SYT6: variants seen among roughly 807,000 people sequenced by gnomAD.
SYT6 encodes synaptotagmin-6.
A neutral mutation model predicts 38.4 loss-of-function variants in SYT6; 24 were observed. The ratio of observed to expected loss-of-function variants is 0.62; its 90% CI spans 0.45 to 0.88. The LOEUF (loss-of-function observed/expected upper bound fraction) is 0.88, where lower values mean the gene tolerates loss of function less well. Ranked by LOEUF, SYT6 falls within the 40% of genes least tolerant of loss-of-function variation. The probability of loss-of-function intolerance (pLI) is 0.00; values close to 1 mark genes in which losing one functional copy is unlikely to be tolerated. For synonymous variants in SYT6, 265 were observed against 241.9 expected (o/e 1.10, Z -0.89); for missense variants, 611 against 621.0 (o/e 0.98, Z 0.17).
At chr1:114,121,793 C>T (rs1677416051) in intron 3 of SYT6, among the ~76,000 whole-genome samples, 2 of 152,088 alleles carry the variant, frequency 1.3e-5, no homozygotes, top group South Asian at 2.1e-4. Flanking sequence ...AATGAGAACA[C>T]GTCTTTGGAA....
In SYT6 at chr1:114,136,745, A is replaced by T. The variant is rs556746125; in HGVS notation, c.1071+750T>A. 4.8e-4 allele frequency among the ~76,000 whole-genome samples: 73 copies of T among 152,242 alleles called. No homozygotes were observed. In the South Asian group the frequency reaches 7.7e-3, roughly 16 times the overall value. On this transcript the variant is annotated intron_variant, in intron 3 of 7. Coordinates refer to ENST00000610222, the MANE Select transcript of SYT6 (RefSeq NM_001253772.2). ...TGGCCTCCCCCATCTCCCATACCTG[A>T]CTGGGAAAACAATGCCCAAGCAAAG...
At chr1:114,122,572 G>A (rs59262563) in intron 3 of SYT6, among the ~76,000 whole-genome samples, 8,197 of 152,128 alleles carry the variant, frequency 0.054, 417 homozygotes, top group African/African-American at 0.13. Context: ...ACTCAGGGTG[G>A]GTGGCAGAGG....
chr1:114,120,248 G>A (rs479359), intron 3 of SYT6, among the ~76,000 whole-genome samples: 65,657 of 151,944 alleles, frequency 0.43, 14,395 homozygotes, highest in African/African-American at 0.48. Context: ...GGTGTTCACT[G>A]TGTGATGCCC....
chr1:114,101,506 A>G (rs1046492292), intron 4 of SYT6, among the ~76,000 whole-genome samples: 2 of 152,166 alleles, frequency 1.3e-5, no homozygotes, highest in African/African-American at 4.8e-5. Context: ...CCTTATTATT[A>G]TTTTGTGCTA....
chr1:114,120,945 C>A (rs542800459), intron 3 of SYT6, among the ~76,000 whole-genome samples: 87 of 152,312 alleles, frequency 5.7e-4, no homozygotes, highest in African/African-American at 1.9e-3. Context: ...GAGAACAGAG[C>A]TGCATCAAAC....
rs140690549 is a variant in SYT6, at chr1:114,146,963, C to T, written c.163+6647G>A. Among the ~76,000 whole-genome samples the T allele has an allele frequency of 6.9e-3, 1,051 of 152,250 alleles. 13 individuals are homozygous for T. The highest frequency in any genetic ancestry group is 0.024 in the African/African-American group (996 of 41,534). ...ATGTAATAAGCAATATAATAAATAT[C>T]ACCTATTTTTATTAGAATTAGTTAT... is the stretch of plus-strand genomic sequence containing the variant. On this transcript the variant is annotated intron_variant, in intron 1 of 7. Coordinates refer to ENST00000610222, the MANE Select transcript of SYT6 (RefSeq NM_001253772.2).
At chr1:114,113,695 T>A (rs574745788) in intron 3 of SYT6, among the ~76,000 whole-genome samples, 4 of 151,954 alleles carry the variant, frequency 2.6e-5, no homozygotes, top group Non-Finnish European at 4.4e-5. Context: ...CCTCTCTCCA[T>A]CTCCAGTGCC....
At chr1:114,134,581 G>C (rs1472239003) in intron 3 of SYT6, among the ~76,000 whole-genome samples, 1 of 152,242 alleles carries the variant, frequency 6.6e-6, no homozygotes, top group Non-Finnish European at 1.5e-5. Flanking sequence ...GGCAGCTGCT[G>C]TGAGACCAGG....
intron 3 of SYT6, among the ~76,000 whole-genome samples, chr1:114,117,926 C>T (rs1295104048): frequency 2.0e-5 from 3 of 152,204 alleles, no homozygotes; most frequent in Non-Finnish European, 2.9e-5. Flanking sequence ...GCACTGAAGA[C>T]GCCTCACAGG....
Position 114,103,651 on chromosome 1 carries a change from G to A in SYT6, c.1142C>T (p.Thr381Ile), listed in dbSNP as rs1330027358. 1 of 1,614,218 alleles carries A rather than the reference G, an allele frequency of 6.2e-7. No homozygotes were observed. The highest frequency in any genetic ancestry group is 8.5e-7 in the Non-Finnish European group (1 of 1,180,034). The change falls in exon 4 of 8, where the codon ACA (threonine) becomes ATA (isoleucine). Residue 381 changes from threonine to isoleucine, a missense_variant. Coordinates refer to ENST00000610222, the MANE Select transcript of SYT6 (RefSeq NM_001253772.2). ...CTTGAGGTTCCGACACTTAATCACT[G>A]TGAGGGTGAGCCTGCCTGCAGTGGG... The part of the protein sequence containing the change: ...YLPTAGRLTL[T>I]VIKCRNLKAM...
At chr1:114,121,866 GAACCTA>G (rs1303403284) in intron 3 of SYT6, among the ~76,000 whole-genome samples, 1 of 44,942 alleles carries the variant, frequency 2.2e-5, no homozygotes, top group East Asian at 1.2e-3. Flanking sequence ...ACCATGGCAA[GAACCTA>G]GGAAGGCCCT....
At position 114,092,090 on chromosome 1, in the gene SYT6, G is replaced by T; in HGVS notation, c.*52-8C>A. ...AGCAGCTCGGCCCTGCCACTGCAAAGAGGAGAACAATCTGTTTATTAATTG... is the reference window on the plus strand; with the variant it reads ...AGCAGCTCGGCCCTGCCACTGCAAATAGGAGAACAATCTGTTTATTAATTG... On this transcript the variant is annotated splice_region_variant and splice_polypyrimidine_tract_variant and intron_variant, in intron 7 of 7. Coordinates refer to ENST00000610222, the MANE Select transcript of SYT6 (RefSeq NM_001253772.2). 1 of 1,536,100 alleles carries T rather than the reference G, an allele frequency of 6.5e-7. No individual in the cohort carries two copies. Among genetic ancestry groups the T allele is most frequent in the Non-Finnish European group, 8.7e-7 (1 of 1,146,798 alleles).
intron 3 of SYT6, among the ~76,000 whole-genome samples, chr1:114,113,870 C>T (rs796645613): frequency 3.9e-5 from 6 of 152,328 alleles, no homozygotes; most frequent in African/African-American, 1.4e-4. Context: ...CCAATGGCAT[C>T]CCCTTTCACT....
chr1:114,128,653 TCAGTCTGCATCTTACTTGATTGGTCATAG>T (rs1677895555), intron 3 of SYT6, among the ~76,000 whole-genome samples: 1 of 152,318 alleles, frequency 6.6e-6, no homozygotes, highest in South Asian at 2.1e-4. Context: ...TGGCCAGTTC[TCAGTCTGCATCTTACTTGATTGGTCATAG>T]CATCTAATAC....
chr1:114,151,898 C>T (rs1057366307), intron 1 of SYT6, among the ~76,000 whole-genome samples: 2 of 152,270 alleles, frequency 1.3e-5, no homozygotes, highest in South Asian at 4.1e-4. Context: ...CTTCCCCAAC[C>T]TCCATCTCTG....
intron 3 of SYT6, among the ~76,000 whole-genome samples, chr1:114,133,681 G>C (rs529441187): frequency 2.0e-4 from 30 of 152,308 alleles, no homozygotes; most frequent in African/African-American, 7.0e-4. Flanking sequence ...TCCATCCTAG[G>C]CCTGAGTTTC....
intron 3 of SYT6, among the ~76,000 whole-genome samples, chr1:114,105,605 A>T (rs1676255421): frequency 1.3e-5 from 2 of 152,038 alleles, no homozygotes; most frequent in African/African-American, 4.8e-5. Context: ...CAGCCATCCC[A>T]CACCAGCCCC....
intron 3 of SYT6, among the ~76,000 whole-genome samples, chr1:114,115,356 G>C (rs181318495): frequency 6.6e-6 from 1 of 152,146 alleles, no homozygotes; most frequent in East Asian, 1.9e-4. Context: ...CCAAAGTCAA[G>C]AGAGGAGGAG....
chr1:114,111,340 C>T (rs2101011855), intron 3 of SYT6, among the ~76,000 whole-genome samples: 1 of 152,286 alleles, frequency 6.6e-6, no homozygotes, highest in South Asian at 2.1e-4. Flanking sequence ...TACCTGGGGA[C>T]ACTGAAGTAC....
Sources: gnomAD v4.1 joint callset for allele counts (sites outside exome capture counted in the v4.1 genomes callset) on GRCh38, gnomAD v4.1.1 for gene constraint, MANE v1.5 for transcripts, NCBI Gene and HGNC (gene_info 2026-07-23, HGNC 2026-07-21) for gene names.